SRFBP1: variants seen among roughly 807,000 people sequenced by gnomAD.
The protein encoded by SRFBP1 is serum response factor binding protein 1, also known as serum response factor-binding protein 1.
A neutral mutation model predicts 45.5 loss-of-function variants in SRFBP1; 47 were observed. The ratio of observed to expected loss-of-function variants is 1.03; its 90% CI spans 0.82 to 1.32. The LOEUF (loss-of-function observed/expected upper bound fraction) is 1.32, where lower values mean the gene tolerates loss of function less well. SRFBP1 is among the 40% of genes most tolerant of loss of function. The pLI is 0.00. For missense variants in SRFBP1, 621 were observed against 484.6 expected, an observed-to-expected ratio of 1.28 and a Z score of -2.64; for synonymous variants, 203 against 166.3, an observed-to-expected ratio of 1.22 and a Z score of -1.70.
intron 2 of SRFBP1, chr5:122,069,992 G>A (rs781557594): frequency 4.2e-6 from 5 of 1,181,640 alleles, no homozygotes; most frequent in Non-Finnish European, 6.4e-6. Flanking sequence ...TATGTATAAT[G>A]TTTGGCATGA....
chr5:121,971,022 G>A (rs994383047), intron 1 of SRFBP1, among the ~76,000 whole-genome samples: 1 of 151,888 alleles, frequency 6.6e-6, no homozygotes, highest in African/African-American at 2.4e-5. Context: ...TGGGAAAAAA[G>A]AACATTCTGA....
chr5:122,042,950 T>C (rs910322691), intron 2 of SRFBP1, among the ~76,000 whole-genome samples: 1 of 152,150 alleles, frequency 6.6e-6, no homozygotes, highest in Non-Finnish European at 1.5e-5. Context: ...TTGCATGCAT[T>C]TTTGTCAAAT....
In SRFBP1 at chr5:121,961,992, T is replaced by G. The variant is rs1018327561; in HGVS notation, c.-41T>G. ...ACGCAGCCGCGGTCTGAGAGACCGG[T>G]TCACGTGCAGGCAGCGGCGGATCAT... On this transcript the variant is annotated 5_prime_UTR_variant, in exon 1 of 8. Coordinates refer to ENST00000339397, the MANE Select transcript of SRFBP1 (RefSeq NM_152546.3). 1.9e-6 allele frequency: 3 copies of G among 1,613,394 alleles called. No homozygotes were observed. The highest frequency in any genetic ancestry group is 1.7e-6 in the Non-Finnish European group (2 of 1,179,866).
chr5:121,978,525 T>C (rs1752348894), intron 3 of SRFBP1, among the ~76,000 whole-genome samples: 1 of 152,136 alleles, frequency 6.6e-6, no homozygotes, highest in African/African-American at 2.4e-5. Context: ...GGAGTCTCTC[T>C]CTGTCGCCCA....
intron 3 of SRFBP1, among the ~76,000 whole-genome samples, chr5:121,977,711 C>G (rs1752331140): frequency 6.6e-6 from 1 of 152,104 alleles, no homozygotes; most frequent in South Asian, 2.1e-4. Context: ...TTATTGATGA[C>G]ATACTATCCT....
downstream of SRFBP1, among the ~76,000 whole-genome samples, chr5:122,033,304 GTTAT>G (rs1340969336): frequency 4.6e-5 from 7 of 151,802 alleles, no homozygotes; most frequent in Non-Finnish European, 7.4e-5. Context: ...TTTCTATCAT[GTTAT>G]TTCTTTTTCT....
At chr5:121,962,185 C>T (rs1751959996) in intron 1 of SRFBP1, 117 bp downstream of exon 1, 1 of 1,316,770 alleles carries the variant, frequency 7.6e-7, no homozygotes, top group African/African-American at 1.5e-5. Flanking sequence ...CGTGGTGGGC[C>T]CAGGCGGGTT....
intron 1 of SRFBP1, among the ~76,000 whole-genome samples, chr5:121,969,765 A>T (rs1476357518): frequency 1.3e-5 from 2 of 151,998 alleles, no homozygotes; most frequent in Non-Finnish European, 2.9e-5. Context: ...GCTTGGCTTA[A>T]TCAGTCTTGT....
intron 2 of SRFBP1, among the ~76,000 whole-genome samples, chr5:122,047,763 A>G (rs916575869): frequency 4.6e-4 from 70 of 152,250 alleles, no homozygotes; most frequent in Middle Eastern, 3.4e-3. Context: ...GATCCTTCAC[A>G]TCCCTTGTAA....
intron 3 of SRFBP1, among the ~76,000 whole-genome samples, 168 bp from the exon 4 acceptor site, chr5:121,994,431 A>T (rs146149198): frequency 1.0e-3 from 155 of 152,118 alleles, no homozygotes; most frequent in African/African-American, 2.8e-3. Flanking sequence ...ACATTCCGTT[A>T]TATTCCTGAT....
In SRFBP1 at chr5:122,001,155, A is replaced by G. The variant is rs1438964913; in HGVS notation, c.270+6485A>G. On this transcript the variant is annotated intron_variant, in intron 4 of 7. Transcript: ENST00000339397. The stretch of plus-strand genomic sequence containing the variant: ...AAAGTGATGGGATAATTCAAATGTA[A>G]TAAATCAGAGCATACTTTAAAATAT... 2.6e-5 allele frequency among the ~76,000 whole-genome samples: 4 copies of G among 152,158 alleles called. No individual in the cohort carries two copies. The East Asian group carries it at 5.8e-4, about 22-fold the overall frequency.
chr5:122,019,744 AG>A (rs2112706651), intron 5 of SRFBP1, among the ~76,000 whole-genome samples: 1 of 151,838 alleles, frequency 6.6e-6, no homozygotes, highest in East Asian at 1.9e-4. Flanking sequence ...TATGTCTGAA[AG>A]CACAGTTTAT....
chr5:121,974,504 T>A (rs1056223387), intron 2 of SRFBP1, among the ~76,000 whole-genome samples: 1 of 151,898 alleles, frequency 6.6e-6, no homozygotes, highest in Non-Finnish European at 1.5e-5. Flanking sequence ...CAGGATGAAT[T>A]TTTTTGCTGC....
intron 3 of SRFBP1, among the ~76,000 whole-genome samples, chr5:121,987,146 G>A (rs752926797): frequency 4.6e-5 from 7 of 152,186 alleles, no homozygotes; most frequent in East Asian, 3.9e-4. Context: ...AGTCTTGAAC[G>A]TAGGAGTAGG....
At chr5:122,065,641 T>C (rs1754278439) in intron 2 of SRFBP1, 1 of 152,094 alleles carries the variant, frequency 6.6e-6, no homozygotes, top group African/African-American at 2.4e-5. Context: ...GATTCCTGAA[T>C]AACCCAGGAT....
At chr5:122,050,447 A>C (rs1396337663) in intron 2 of SRFBP1, among the ~76,000 whole-genome samples, 2 of 152,148 alleles carry the variant, frequency 1.3e-5, no homozygotes, top group Admixed American at 1.3e-4. Flanking sequence ...TCAGGGATTC[A>C]GCTTCTCCTG....
chr5:122,042,938 T>A (rs978206520), intron 2 of SRFBP1, among the ~76,000 whole-genome samples: 1 of 152,140 alleles, frequency 6.6e-6, no homozygotes, highest in Non-Finnish European at 1.5e-5. Context: ...ACCACTCTTA[T>A]CTTGCATGCA....
At chr5:122,046,250 T>C (rs931819965) in intron 2 of SRFBP1, among the ~76,000 whole-genome samples, 2 of 152,060 alleles carry the variant, frequency 1.3e-5, no homozygotes, top group East Asian at 3.9e-4. Context: ...CCTGTGTCCA[T>C]GCGTTCTCAT....
chr5:121,997,650 A>C lies in SRFBP1; in HGVS notation c.270+2980A>C, dbSNP rs372605626. On this transcript the variant is annotated intron_variant, in intron 4 of 7. Coordinates refer to ENST00000339397, the MANE Select transcript of SRFBP1 (RefSeq NM_152546.3). ...ACACCAAAAGCAATGGCAACAAAAG[A>C]CAAAATTGACAAATGGGATCTAATT... 8.4e-3 allele frequency among the ~76,000 whole-genome samples: 1,271 copies of C among 150,902 alleles called. 12 individuals are homozygous for C. The highest frequency in any genetic ancestry group is 0.023 in the African/African-American group (955 of 41,010).
Sources: gnomAD v4.1 joint callset for allele counts (sites outside exome capture counted in the v4.1 genomes callset) on GRCh38, gnomAD v4.1.1 for gene constraint, MANE v1.5 for transcripts, NCBI Gene and HGNC (gene_info 2026-07-23, HGNC 2026-07-21) for gene names.